The following ADAMTSL1 variants were observed in gnomAD, a reference collection of about 807,000 sequenced individuals.
The protein encoded by ADAMTSL1 is ADAMTS-like protein 1.
A neutral mutation model predicts 201.8 loss-of-function variants in ADAMTSL1; 126 were observed. That is an observed-to-expected ratio of 0.62 (90% CI 0.54 to 0.72). The LOEUF is 0.72. Ranked by LOEUF, ADAMTSL1 falls within the 30% of genes least tolerant of loss-of-function variation. The probability of loss-of-function intolerance (pLI) is 0.00; values close to 1 mark genes in which losing one functional copy is unlikely to be tolerated. For missense variants in ADAMTSL1, 2,679 were observed against 2,277.8 expected (o/e 1.18, Z -3.59); for synonymous variants, 1,121 against 903.4 (o/e 1.24, Z -4.32).
At position 17,910,790 on chromosome 9, in the gene ADAMTSL1, A is replaced by G. The variant is rs918938130; in HGVS notation, c.87+3868A>G. 2.9e-5 allele frequency among the ~76,000 whole-genome samples: 2 copies of G among 69,478 alleles called. 1 individual carries two copies. Among genetic ancestry groups the G allele is most frequent in the African/African-American group, 5.8e-5 (2 of 34,444 alleles). The allele number at this position is 69,478 out of a possible 152,430, so 45.6% of individuals were successfully genotyped here. On this transcript the variant is annotated intron_variant, in intron 1 of 29. Transcript: ENST00000680146. ...TTGGTTTTAATCATATAGGCATTAT[A>G]TTTAACCATCAAATTAAACAGATCA...
At chr9:18,456,930 A>G (rs542455623) in intron 2 of ADAMTSL1, among the ~76,000 whole-genome samples, 1 of 152,344 alleles carries the variant, frequency 6.6e-6, no homozygotes, top group East Asian at 1.9e-4. Flanking sequence ...CTGGAATGGA[A>G]GCACCACAGA....
intron 2 of ADAMTSL1, among the ~76,000 whole-genome samples, chr9:18,338,462 T>G (rs1835339268): frequency 6.6e-6 from 1 of 152,256 alleles, no homozygotes; most frequent in South Asian, 2.1e-4. Context: ...GCTTTTGTTT[T>G]TTTGAGACAA....
At chr9:18,473,491 A>G (rs1411832605), upstream of ADAMTSL1, among the ~76,000 whole-genome samples, 1 of 152,126 alleles carries the variant, frequency 6.6e-6, no homozygotes, top group African/African-American at 2.4e-5. Context: ...TTTCCCCCCA[A>G]ATTAAGTCCT....
At chr9:18,195,381 G>T (rs1829134778) in intron 2 of ADAMTSL1, among the ~76,000 whole-genome samples, 1 of 152,028 alleles carries the variant, frequency 6.6e-6, no homozygotes, top group Non-Finnish European at 1.5e-5. Context: ...GCACTTTTAT[G>T]ATTTTATTTT....
chr9:18,886,344 C>G (rs1000585238), intron 23 of ADAMTSL1, among the ~76,000 whole-genome samples: 7 of 151,444 alleles, frequency 4.6e-5, no homozygotes, highest in African/African-American at 1.7e-4. Flanking sequence ...TACGATTGCA[C>G]CACTGCACTC....
intron 25 of ADAMTSL1, 35 bp downstream of exon 25, chr9:18,889,783 C>A (rs1829132124): frequency 7.0e-7 from 1 of 1,426,164 alleles, no homozygotes; most frequent in Middle Eastern, 2.6e-4. Context: ...GACCTCCCCA[C>A]CCTAGGAGGA....
At chr9:18,758,311 A>T (rs1819885141) in intron 16 of ADAMTSL1, among the ~76,000 whole-genome samples, 1 of 152,158 alleles carries the variant, frequency 6.6e-6, no homozygotes, top group South Asian at 2.1e-4. Flanking sequence ...TTTACAGAAC[A>T]CTCGGTATTT....
At chr9:18,799,745 G>GT (rs149540264) in intron 20 of ADAMTSL1, among the ~76,000 whole-genome samples, 11,148 of 152,092 alleles carry the variant, frequency 0.073, 461 homozygotes, top group Middle Eastern at 0.11. Context: ...TTCCTAGCAT[G>GT]TTTTTTTGCT....
intron 23 of ADAMTSL1, among the ~76,000 whole-genome samples, chr9:18,857,443 A>G (rs924913062): frequency 6.6e-6 from 1 of 152,212 alleles, no homozygotes; most frequent in African/African-American, 2.4e-5. Context: ...ATTATTTTGA[A>G]ATATGTCCCT....
intron 15 of ADAMTSL1, among the ~76,000 whole-genome samples, chr9:18,733,179 G>A (rs1818311746): frequency 6.6e-6 from 1 of 152,180 alleles, no homozygotes; most frequent in Non-Finnish European, 1.5e-5. Context: ...TGACCGCAGT[G>A]TAAAGAACCA....
In ADAMTSL1 at chr9:18,194,970, T is replaced by A. The variant is rs374898924; in HGVS notation, c.207+30989T>A. On this transcript the variant is annotated intron_variant, in intron 2 of 29. Transcript: ENST00000680146. ...CTCCAAAAAATGGCATTGCTACCTC[T>A]TCATAATGCCCAGTTTAAGAATGCA... is the stretch of plus-strand genomic sequence containing the variant. Among the ~76,000 whole-genome samples, 15 of 151,900 alleles carry A rather than the reference T, an allele frequency of 9.9e-5. No individual in the cohort carries two copies. In the South Asian group the frequency reaches 2.9e-3, roughly 29 times the overall value.
chr9:18,088,471 G>A (rs1234668337), intron 1 of ADAMTSL1, among the ~76,000 whole-genome samples: 1 of 152,046 alleles, frequency 6.6e-6, no homozygotes, highest in Non-Finnish European at 1.5e-5. Context: ...CTTAAGGAAA[G>A]GTAGAAAACA....
At chr9:18,305,537 T>C (rs78547673) in intron 2 of ADAMTSL1, among the ~76,000 whole-genome samples, 10,742 of 152,200 alleles carry the variant, frequency 0.071, 1,222 homozygotes, top group African/African-American at 0.24. Flanking sequence ...GCATCCGCCA[T>C]TACTGAGGCT....
At chr9:18,702,767 T>A (rs1052828074) in intron 13 of ADAMTSL1, among the ~76,000 whole-genome samples, 91 of 146,282 alleles carry the variant, frequency 6.2e-4, no homozygotes, top group African/African-American at 5.9e-4. Context: ...ACAAAAAGAG[T>A]TTTTTTTTTT....
At chr9:18,151,384 G>A (rs1217196972) in intron 1 of ADAMTSL1, among the ~76,000 whole-genome samples, 2 of 152,052 alleles carry the variant, frequency 1.3e-5, no homozygotes, top group African/African-American at 4.8e-5. Context: ...GTTTCTCAGA[G>A]TTGGAAAGAC....
chr9:18,840,709 C>T (rs905530893), intron 23 of ADAMTSL1, among the ~76,000 whole-genome samples: 2 of 151,276 alleles, frequency 1.3e-5, no homozygotes, highest in Admixed American at 6.6e-5. Context: ...TCTTTTATTT[C>T]GTTGAGCAGT....
chr9:18,730,093 C>T (rs1818124100), intron 15 of ADAMTSL1, among the ~76,000 whole-genome samples: 1 of 151,734 alleles, frequency 6.6e-6, no homozygotes, highest in Non-Finnish European at 1.5e-5. Context: ...CCTAAGGTAA[C>T]AATTTAAGAG....
chr9:18,306,626 GA>G (rs1322194532), intron 2 of ADAMTSL1, among the ~76,000 whole-genome samples: 1 of 152,094 alleles, frequency 6.6e-6, no homozygotes, highest in Admixed American at 6.5e-5. Context: ...AATAGACCAT[GA>G]AGACAAGATT....
At chr9:18,074,495 T>C (rs1288736547) in intron 1 of ADAMTSL1, among the ~76,000 whole-genome samples, 1 of 78,844 alleles carries the variant, frequency 1.3e-5, no homozygotes, top group Non-Finnish European at 2.6e-5. Context: ...TCTTTTCTTT[T>C]CTTTTCTTTT....
Sources: allele counts gnomAD v4.1 joint callset (sites outside exome capture counted in the v4.1 genomes callset), GRCh38; gene constraint gnomAD v4.1.1; transcripts MANE v1.5; gene names NCBI Gene and HGNC (gene_info 2026-07-23, HGNC 2026-07-21).